The following RGS7 variants were observed in gnomAD, a reference collection of about 807,000 sequenced individuals.
RGS7 encodes the protein regulator of G-protein signaling 7.
Under a neutral mutation model 81.1 loss-of-function variants are expected in RGS7, and 27 were observed. The observed-to-expected ratio is 0.33, with a 90% confidence interval of 0.25 to 0.46. The LOEUF is 0.46. Ranked by LOEUF, RGS7 falls within the 20% of genes least tolerant of loss-of-function variation. The pLI, the probability that RGS7 is intolerant of heterozygous loss-of-function variation, is 1.00. For missense variants in RGS7, 396 were observed against 607.4 expected (o/e 0.65, Z 3.66); for synonymous variants, 208 against 207.7 (o/e 1.00, Z -0.01).
rs1663770451 is a variant in RGS7 at position 240,868,147 on chromosome 1, A to AAAGG, written c.609+439_609+440insCCTT. Among the ~76,000 whole-genome samples the AAAGG allele has an allele frequency of 1.0e-5, 1 of 99,706 alleles. No individual in the cohort carries two copies. Among genetic ancestry groups the AAAGG allele is most frequent in the African/African-American group, 7.2e-5 (1 of 13,886 alleles). 65.4% of individuals were successfully genotyped at this position (99,706 alleles called of 152,430 possible). ...GAAAGAAAGAAAGAAAGAAAGAAAG[A>AAAGG]AAGAAAGAAAGGACGGAGGGAGGGA... On this transcript the variant is annotated intron_variant, in intron 9 of 18. Transcript: ENST00000440928. The surrounding 1 kb of genome is among the most constrained non-coding windows in gnomAD (Gnocchi z 5.1).
At chr1:241,063,971 G>A (rs1156354425) in intron 3 of RGS7, among the ~76,000 whole-genome samples, 1 of 150,238 alleles carries the variant, frequency 6.7e-6, no homozygotes, top group Admixed American at 6.6e-5. Context: ...ATCACCTGAG[G>A]CTGGGAGTTC....
chr1:240,910,331 A>G (rs1402171033), intron 6 of RGS7, among the ~76,000 whole-genome samples: 1 of 152,238 alleles, frequency 6.6e-6, no homozygotes, highest in Non-Finnish European at 1.5e-5. Context: ...GAAATAAGCC[A>G]GAAACAGAAA....
At chr1:241,222,141 T>C (rs1051520149) in intron 2 of RGS7, among the ~76,000 whole-genome samples, 3 of 152,220 alleles carry the variant, frequency 2.0e-5, no homozygotes, top group Admixed American at 6.5e-5. Flanking sequence ...ACTTTCATTG[T>C]GTTAAGCTAC....
At chr1:241,092,624 C>A (rs765022024) in intron 3 of RGS7, among the ~76,000 whole-genome samples, 1 of 152,074 alleles carries the variant, frequency 6.6e-6, no homozygotes, top group Non-Finnish European at 1.5e-5. Context: ...TTATGAAACT[C>A]TCATGGAATA....
intron 10 of RGS7, among the ~76,000 whole-genome samples, chr1:240,820,233 T>G (rs1250007125): frequency 6.6e-6 from 1 of 152,180 alleles, no homozygotes; most frequent in Non-Finnish European, 1.5e-5. Flanking sequence ...AAAATCAAAT[T>G]AACTAATTGA....
intron 18 of RGS7, among the ~76,000 whole-genome samples, chr1:240,785,834 C>T (rs1175453323): frequency 6.6e-6 from 1 of 152,188 alleles, no homozygotes; most frequent in Non-Finnish European, 1.5e-5. Context: ...GGTAAACTTA[C>T]AAGTGAGTTT....
At chr1:241,277,069 C>G (rs1055195931) in intron 2 of RGS7, among the ~76,000 whole-genome samples, 6 of 152,158 alleles carry the variant, frequency 3.9e-5, no homozygotes, top group Admixed American at 1.3e-4. Context: ...TATATCTTTA[C>G]TTAAAATACA....
chr1:241,108,237 A>G (rs1211620961), intron 2 of RGS7, among the ~76,000 whole-genome samples: 1 of 142,944 alleles, frequency 7.0e-6, no homozygotes, highest in Non-Finnish European at 1.5e-5. Flanking sequence ...CGGGAGGCAG[A>G]GGCTGCAGTG....
In RGS7 at chr1:241,226,363, C is replaced by A. The variant is rs567488688; in HGVS notation, c.79-127601G>T. Among the ~76,000 whole-genome samples the A allele has an allele frequency of 5.9e-5, 9 of 152,306 alleles. No individual in the cohort carries two copies. The South Asian group carries it at 1.9e-3, about 32-fold the overall frequency. On this transcript the variant is annotated intron_variant, in intron 2 of 18. Transcript: ENST00000440928. ...GAGCATTCTTGTCTATGGGCACCTG[C>A]TTCTGCCATGCTGGAGAGAAGGCAA...
chr1:240,776,093 A>G lies in RGS7; in HGVS notation c.*127T>C. On this transcript the variant is annotated 3_prime_UTR_variant, in exon 19 of 19. Transcript: ENST00000440928. ...ATCTTGTTCTAATGTCCTCTGCTCC[A>G]GGTCACAACATTGAGCTACAAAGTG... 8.6e-7 allele frequency: 1 copy of G among 1,159,006 alleles called. No individual in the cohort carries two copies. The highest frequency in any genetic ancestry group is 1.2e-5 in the South Asian group (1 of 81,904). 71.8% of individuals were successfully genotyped at this position (1,159,006 alleles called of 1,614,324 possible). A position where few individuals can be genotyped will look rare whatever the true frequency, so the allele number is the denominator to read the frequency against.
intron 2 of RGS7, among the ~76,000 whole-genome samples, chr1:241,099,552 A>T (rs930016907): frequency 6.6e-6 from 1 of 152,190 alleles, no homozygotes; most frequent in Non-Finnish European, 1.5e-5. Flanking sequence ...TTACTTTTAC[A>T]AATTGCTGGT....
chr1:241,172,118 A>G (rs1370392735), intron 2 of RGS7, among the ~76,000 whole-genome samples: 1 of 152,240 alleles, frequency 6.6e-6, no homozygotes, highest in Non-Finnish European at 1.5e-5. Flanking sequence ...CAGAGATTAC[A>G]TGAGAAGCTG....
chr1:241,316,651 G>A (rs2080896105), intron 2 of RGS7, among the ~76,000 whole-genome samples: 1 of 152,158 alleles, frequency 6.6e-6, no homozygotes, highest in Non-Finnish European at 1.5e-5. Context: ...ACCTGGTGAA[G>A]ACGGTTTACT....
intron 2 of RGS7, among the ~76,000 whole-genome samples, chr1:241,176,679 C>T (rs2071171443): frequency 6.6e-6 from 1 of 152,040 alleles, no homozygotes; most frequent in Non-Finnish European, 1.5e-5. Context: ...CTGCAGTCAC[C>T]CCCATTACAG....
At chr1:241,236,254 T>C (rs9428866) in intron 2 of RGS7, among the ~76,000 whole-genome samples, 87,826 of 150,986 alleles carry the variant, frequency 0.58, 25,761 homozygotes, top group African/African-American at 0.61. Flanking sequence ...CTTAGAGAAA[T>C]GAGAAACCAC....
chr1:240,967,094 T>C (rs555122040), intron 4 of RGS7, among the ~76,000 whole-genome samples: 167 of 152,290 alleles, frequency 1.1e-3, no homozygotes, highest in South Asian at 2.5e-3. Flanking sequence ...GGACAGCCCA[T>C]GCCCCTGTCA....
intron 2 of RGS7, among the ~76,000 whole-genome samples, chr1:241,219,719 AT>A (rs779281685): frequency 2.0e-5 from 3 of 152,206 alleles, no homozygotes; most frequent in Non-Finnish European, 4.4e-5. Context: ...GAAAGATAAG[AT>A]CAAATTTTCA....
chr1:241,172,628 T>C (rs2103265355), intron 2 of RGS7, among the ~76,000 whole-genome samples: 1 of 152,342 alleles, frequency 6.6e-6, no homozygotes, highest in South Asian at 2.1e-4. Flanking sequence ...CAAATCTGGC[T>C]GTGTGTCTAA....
intron 2 of RGS7, among the ~76,000 whole-genome samples, chr1:241,155,170 A>G (rs1386316578): frequency 6.6e-6 from 1 of 152,112 alleles, no homozygotes; most frequent in Non-Finnish European, 1.5e-5. Flanking sequence ...CCTATGCTGG[A>G]GTGCAGTGGC....
Sources: gnomAD v4.1 joint callset for allele counts (sites outside exome capture counted in the v4.1 genomes callset) on GRCh38, gnomAD v4.1.1 for gene constraint, Gnocchi (gnomAD v3.1) non-coding constraint, MANE v1.5 for transcripts, NCBI Gene and HGNC (gene_info 2026-07-23, HGNC 2026-07-21) for gene names.